Variants in LRP1 observed in about 807,000 individuals in gnomAD.
LRP1 encodes the protein prolow-density lipoprotein receptor-related protein 1.
A neutral mutation model predicts 541.5 loss-of-function variants in LRP1; 51 were observed. That is an observed-to-expected ratio of 0.09 (90% CI 0.08 to 0.12). The LOEUF (loss-of-function observed/expected upper bound fraction) is 0.12. Ranked by LOEUF, LRP1 falls within the 10% of genes least tolerant of loss-of-function variation. LRP1 has a pLI of 1.00. For missense variants in LRP1, 3,878 were observed against 6,376.2 expected, an observed-to-expected ratio of 0.61 and a Z score of 13.34; for synonymous variants, 2,219 against 2,470.8, an observed-to-expected ratio of 0.90 and a Z score of 3.02.
chr12:57,185,486 C>A lies in LRP1; in HGVS notation c.6464-45C>A. On this transcript the variant is annotated intron_variant, in intron 40 of 88. Coordinates refer to ENST00000243077, the MANE Select transcript of LRP1 (RefSeq NM_002332.3). This position sits in a 1 kb window ranked among gnomAD's most constrained non-coding sequence, Gnocchi z 4.9. ...CTGGATGACAAAGGCACCAGTGAGC[C>A]TTTCCCAAGGCAGGCCCTGCCCTCT... 6.6e-7 allele frequency: 1 copy of A among 1,526,298 alleles called. No individual in the cohort carries two copies. The highest frequency in any genetic ancestry group is 8.8e-7 in the Non-Finnish European group (1 of 1,140,476). 94.5% of individuals were successfully genotyped at this position (1,526,298 alleles called of 1,614,324 possible).
intron 2 of LRP1, among the ~76,000 whole-genome samples, chr12:57,139,452 A>T (rs920028091): frequency 3.9e-5 from 6 of 152,130 alleles, no homozygotes; most frequent in Admixed American, 1.3e-4. Context: ...TATCTACGGC[A>T]TGGTGCTTCA....
Position 57,180,148 on chromosome 12 carries a change from G to A in LRP1, c.5236+7G>A, listed in dbSNP as rs376465048. 6.2e-7 allele frequency: 1 copy of A among 1,612,766 alleles called. No individual in the cohort carries two copies. The highest frequency in any genetic ancestry group is 1.3e-5 in the African/African-American group (1 of 74,902). ...GGCCAGAAGGGCCCCGTGGGTACGA[G>A]CTTCCCTGCCCACCCCCACAGCCCC... On this transcript the variant is annotated splice_region_variant and intron_variant, in intron 31 of 88. Transcript: ENST00000243077.
At position 57,161,097 on chromosome 12, in the gene LRP1, C is replaced by A; in HGVS notation, c.2184C>A (p.Leu728=). 1.2e-6 allele frequency: 2 copies of A among 1,613,294 alleles called. No homozygotes were observed. Among genetic ancestry groups the A allele is most frequent in the South Asian group, 2.2e-5 (2 of 91,054 alleles). Residue 728 remains leucine, a synonymous_variant, in exon 13 of 89, where the codon CTC becomes CTA. Transcript: ENST00000243077. ...ACGACCGCATCGAGACGATACTGCTCAATGGCACAGACCGGAAGGTGGGCA... is the reference window on the plus strand; with the variant it reads ...ACGACCGCATCGAGACGATACTGCTAAATGGCACAGACCGGAAGGTGGGCA... The part of the protein sequence containing the change: ...AFYDRIETIL[L]NGTDRKIVYE...
chr12:57,199,231 G>T lies in LRP1; in HGVS notation c.9696G>T (p.Pro3232=). The T allele has an allele frequency of 6.2e-7, 1 of 1,613,598 alleles. No individual in the cohort carries two copies. Among genetic ancestry groups the T allele is most frequent in the Non-Finnish European group, 8.5e-7 (1 of 1,179,918 alleles). The change falls in exon 61 of 89, where the codon CCG becomes CCT. Residue 3232 remains proline (P), a synonymous_variant. Coordinates refer to ENST00000243077, the MANE Select transcript of LRP1 (RefSeq NM_002332.3). The stretch of plus-strand genomic sequence containing the variant: ...CTGCAGTGCTGAGCCAGGACATCCC[G>T]CACATCTTTGCACTGACCCTGTTTG... The part of the protein sequence containing the change: ...NRHVVLSQDI[P]HIFALTLFED...
At position 57,173,080 on chromosome 12, in the gene LRP1, G is replaced by A; in HGVS notation, c.3164-88G>A. The A allele has an allele frequency of 8.9e-7, 1 of 1,125,668 alleles. No individual in the cohort carries two copies. 69.7% of individuals were successfully genotyped at this position (1,125,668 alleles called of 1,614,324 possible). A position where few individuals can be genotyped will look rare whatever the true frequency, so the allele number is the denominator to read the frequency against. On this transcript the variant is annotated intron_variant, in intron 20 of 88. Coordinates refer to ENST00000243077, the MANE Select transcript of LRP1 (RefSeq NM_002332.3). The surrounding 1 kb of genome is among the most constrained non-coding windows in gnomAD (Gnocchi z 4.7). ...CTGCCTCTGCTCATATCCCCAGGCTGGGCTTACCGGGGTGGCAGGGCACAG... is the reference window on the plus strand; with the variant it reads ...CTGCCTCTGCTCATATCCCCAGGCTAGGCTTACCGGGGTGGCAGGGCACAG...
chr12:57,181,117 GC>G (rs751927051), intron 33 of LRP1, 39 bp from the exon 34 acceptor site: 1 of 1,598,548 alleles, frequency 6.3e-7, no homozygotes, highest in Non-Finnish European at 8.5e-7. Context: ...CCCAAGGAGG[GC>G]CACCTAACCC....
chr12:57,136,365 G>A (rs2035164370), intron 1 of LRP1, among the ~76,000 whole-genome samples: 1 of 145,748 alleles, frequency 6.9e-6, no homozygotes, highest in African/African-American at 2.5e-5. Context: ...ATCTCAGTGA[G>A]GCTCCCATCA....
chr12:57,184,303 C>G lies in LRP1; in HGVS notation c.6060-23C>G, dbSNP rs770953494. 1.2e-6 allele frequency: 2 copies of G among 1,614,178 alleles called. No homozygotes were observed. Among genetic ancestry groups the G allele is most frequent in the Non-Finnish European group, 1.7e-6 (2 of 1,180,028 alleles). On this transcript the variant is annotated intron_variant, in intron 37 of 88. Coordinates refer to ENST00000243077, the MANE Select transcript of LRP1 (RefSeq NM_002332.3). The surrounding 1 kb of genome is among the most constrained non-coding windows in gnomAD (Gnocchi z 7.8). ...TCCTCCAGGGTCTGAGGACTGACCCCCACTTCCACCCCCACCCTACAGGTA... is the reference window on the plus strand; with the variant it reads ...TCCTCCAGGGTCTGAGGACTGACCCGCACTTCCACCCCCACCCTACAGGTA...
rs1445454238 is a variant in LRP1, at chr12:57,177,567, A to C, written c.4337A>C (p.Lys1446Thr). The change falls in exon 26 of 89, where the codon AAG (lysine) becomes ACG (threonine). Residue 1446 changes from lysine to threonine, a missense_variant. By Grantham distance (78) the Lys-to-Thr change is moderately conservative. This residue lies in a region of LRP1 where 54 missense variants were observed against 167.7 expected (regional missense o/e 0.32). Transcript: ENST00000243077. The surrounding 1 kb of genome is among the most constrained non-coding windows in gnomAD (Gnocchi z 6.8). ...GGGCTCACCGTGGACTACCTGGAGA[A>C]GCGCATCCTTTGGATTGACGCCAGG... ...PNGLTVDYLEKRILWIDARSD... is the reference protein window; with the variant it reads ...PNGLTVDYLETRILWIDARSD... 1 of 1,613,912 alleles carries C rather than the reference A, an allele frequency of 6.2e-7. No individual in the cohort carries two copies.
At position 57,206,423 on chromosome 12, in the gene LRP1, G is replaced by A; in HGVS notation, c.11591-50G>A. Reference sequence around the variant, plus strand: ...ATGTGAAAGGAGCTGAGCTGGGTGGGGTGCACACCTGCATCCCACAGCCCC... The same window carrying A: ...ATGTGAAAGGAGCTGAGCTGGGTGGAGTGCACACCTGCATCCCACAGCCCC... On this transcript the variant is annotated intron_variant, in intron 75 of 88. Transcript: ENST00000243077. The surrounding 1 kb of genome is among the most constrained non-coding windows in gnomAD (Gnocchi z 4.7). 6.3e-7 allele frequency: 1 copy of A among 1,589,282 alleles called. No homozygotes were observed. Among genetic ancestry groups the A allele is most frequent in the Non-Finnish European group, 8.6e-7 (1 of 1,162,664 alleles).
intron 6 of LRP1, among the ~76,000 whole-genome samples, chr12:57,152,406 G>A (rs1180060012): frequency 6.6e-6 from 1 of 152,122 alleles, no homozygotes; most frequent in African/African-American, 2.4e-5. Context: ...CAAGTAAAGG[G>A]CACGCAGCCC....
rs776158898 is a variant in LRP1 at position 57,197,683 on chromosome 12, G to A, written c.9282+19G>A. The A allele has an allele frequency of 1.3e-5, 21 of 1,609,716 alleles. No homozygotes were observed. The highest frequency in any genetic ancestry group is 2.7e-5 in the African/African-American group (2 of 74,674). On this transcript the variant is annotated intron_variant, in intron 58 of 88. Transcript: ENST00000243077. This position sits in a 1 kb window ranked among gnomAD's most constrained non-coding sequence, Gnocchi z 4.5. Reference sequence around the variant, plus strand: ...TGTGCAGGTGAGGCGGGCGGCCCTCGGCGACCAACACTGGCCCGCCTCAGA... The same window carrying A: ...TGTGCAGGTGAGGCGGGCGGCCCTCAGCGACCAACACTGGCCCGCCTCAGA...
In LRP1 at chr12:57,211,421, C is replaced by T; in HGVS notation, c.13092-66C>T. 6.2e-7 allele frequency: 1 copy of T among 1,609,054 alleles called. No individual in the cohort carries two copies. Among genetic ancestry groups the T allele is most frequent in the South Asian group, 1.1e-5 (1 of 90,968 alleles). On this transcript the variant is annotated intron_variant, in intron 84 of 88. Coordinates refer to ENST00000243077, the MANE Select transcript of LRP1 (RefSeq NM_002332.3). The surrounding 1 kb of genome is among the most constrained non-coding windows in gnomAD (Gnocchi z 4.3). ...CCTGTCCTAGCCCTGCCCTGCCCCT[C>T]CCTTCCTCAGCATCCCAGGCACGCC...
At chr12:57,199,809 AGAGT>A (rs1367002072) in intron 61 of LRP1, 64 bp from the exon 62 acceptor site, 2 of 1,529,422 alleles carry the variant, frequency 1.3e-6, no homozygotes, top group African/African-American at 2.8e-5. Context: ...TGTCCAGGAT[AGAGT>A]GAGTGAGGCA....
intron 6 of LRP1, chr12:57,149,771 C>G (rs1436379507): frequency 2.8e-6 from 2 of 711,634 alleles, no homozygotes; most frequent in Non-Finnish European, 5.1e-6. Context: ...AAGTCGGGAC[C>G]CAGCAGGAAA....
Position 57,200,826 on chromosome 12 carries a change from G to GCCCCACCC in LRP1, c.10225+14_10225+15insCACCCCCC. The GCCCCACCC allele has an allele frequency of 6.3e-7, 1 of 1,581,438 alleles. No homozygotes were observed. Among genetic ancestry groups the GCCCCACCC allele is most frequent in the Non-Finnish European group, 8.6e-7 (1 of 1,157,680 alleles). ...ACGAGGCCAACTGTGGTAAGGCGCT[G>GCCCCACCC]CCCGCCCACCCTCCCTCCTTCCCCA... On this transcript the variant is annotated intron_variant, in intron 64 of 88. Transcript: ENST00000243077.
At chr12:57,152,445 G>T (rs1310723393) in intron 6 of LRP1, among the ~76,000 whole-genome samples, 1 of 152,176 alleles carries the variant, frequency 6.6e-6, no homozygotes, top group East Asian at 1.9e-4. Context: ...CCTGCTGGCT[G>T]CCAGGGGATG....
At position 57,156,954 on chromosome 12, in the gene LRP1, G is replaced by A; in HGVS notation, c.1561+34G>A. 1 of 1,525,952 alleles carries A rather than the reference G, an allele frequency of 6.6e-7. No homozygotes were observed. The highest frequency in any genetic ancestry group is 8.8e-7 in the Non-Finnish European group (1 of 1,131,252). The allele number at this position is 1,525,952 out of a possible 1,614,324, so 94.5% of individuals were successfully genotyped here. A position where few individuals can be genotyped will look rare whatever the true frequency, so the allele number is the denominator to read the frequency against. ...CAGGGAAGGGGGTGTGTGCCCATTG[G>A]GAGGCTGCGGGAGGGTTCCTCAGGT... On this transcript the variant is annotated intron_variant, in intron 10 of 88. Coordinates refer to ENST00000243077, the MANE Select transcript of LRP1 (RefSeq NM_002332.3). The surrounding 1 kb of genome is among the most constrained non-coding windows in gnomAD (Gnocchi z 5.2).
In LRP1 at chr12:57,193,303, C is replaced by T. The variant is rs1442119820; in HGVS notation, c.7683C>T (p.Cys2561=). 6.2e-7 allele frequency: 1 copy of T among 1,610,914 alleles called. No homozygotes were observed. Among genetic ancestry groups the T allele is most frequent in the African/African-American group, 1.3e-5 (1 of 74,932 alleles). The change falls in exon 46 of 89, where the codon TGC becomes TGT. Residue 2561 remains cysteine (C), a splice_region_variant and synonymous_variant. Transcript: ENST00000243077. Reference sequence around the variant, plus strand: ...AGTCCGATGAGAAGCCATCCTACTGCAGTAAGGAGCCCCCTGCAGCCCCTG... The same window carrying T: ...AGTCCGATGAGAAGCCATCCTACTGTAGTAAGGAGCCCCCTGCAGCCCCTG... ...KDKSDEKPSY[C]NSRRCKKTFR...
Sources: allele counts gnomAD v4.1 joint callset (sites outside exome capture counted in the v4.1 genomes callset), GRCh38; gene constraint gnomAD v4.1.1; regional missense constraint gnomAD v4.1.1; non-coding constraint Gnocchi (gnomAD v3.1); transcripts MANE v1.5; gene names NCBI Gene and HGNC (gene_info 2026-07-23, HGNC 2026-07-21).